The following FHIT variants were observed in gnomAD, a reference collection of about 807,000 sequenced individuals.
The protein encoded by FHIT is bis(5'-adenosyl)-triphosphatase.
Under a neutral mutation model 17.9 loss-of-function variants are expected in FHIT, and 19 were observed. The ratio of observed to expected loss-of-function variants is 1.06; its 90% CI spans 0.74 to 1.56. The LOEUF (loss-of-function observed/expected upper bound fraction) is 1.56. Ranked by LOEUF, FHIT falls within the 40% of genes most tolerant of loss-of-function variation. The pLI, the probability that FHIT is intolerant of heterozygous loss-of-function variation, is 0.00. For synonymous variants in FHIT, 81 were observed against 69.7 expected (o/e 1.16, Z -0.81); for missense variants, 248 against 189.2 (o/e 1.31, Z -1.82).
intron 5 of FHIT, among the ~76,000 whole-genome samples, chr3:60,104,778 C>T (rs975129436): frequency 2.6e-5 from 4 of 152,024 alleles, no homozygotes; most frequent in Non-Finnish European, 5.9e-5. Context: ...AACAATGCTA[C>T]CTCGCCAAAG....
At chr3:61,205,481 C>G (rs1277117849) in intron 1 of FHIT, among the ~76,000 whole-genome samples, 1 of 152,150 alleles carries the variant, frequency 6.6e-6, no homozygotes, top group Non-Finnish European at 1.5e-5. Context: ...TCTCCAGCAC[C>G]TGTTGTTTCC....
intron 2 of FHIT, among the ~76,000 whole-genome samples, chr3:61,054,700 C>T (rs2034153486): frequency 6.6e-6 from 1 of 152,160 alleles, no homozygotes; most frequent in Non-Finnish European, 1.5e-5. Flanking sequence ...GACATTTCTA[C>T]CTCTGTGCCT....
intron 5 of FHIT, among the ~76,000 whole-genome samples, chr3:60,490,375 A>C (rs1410430112): frequency 6.6e-6 from 1 of 152,154 alleles, no homozygotes; most frequent in Non-Finnish European, 1.5e-5. Flanking sequence ...TACCACAGAG[A>C]CACTATAGCT....
At chr3:60,684,280 G>A (rs542807972) in intron 4 of FHIT, among the ~76,000 whole-genome samples, 1 of 152,056 alleles carries the variant, frequency 6.6e-6, no homozygotes, top group Admixed American at 6.6e-5. Context: ...AATCCAGGAT[G>A]ATTTCCTCAT....
At chr3:60,432,929 T>A (rs1576644570) in intron 5 of FHIT, among the ~76,000 whole-genome samples, 2 of 150,210 alleles carry the variant, frequency 1.3e-5, no homozygotes, top group South Asian at 4.3e-4. Flanking sequence ...TTTTTTTTTT[T>A]ACTGTGATAA....
At chr3:60,633,681 G>A (rs538035191) in intron 4 of FHIT, among the ~76,000 whole-genome samples, 80 of 152,296 alleles carry the variant, frequency 5.3e-4, no homozygotes, top group African/African-American at 1.9e-3. Context: ...GCATTCTAGA[G>A]AGCTGTTAGG....
At chr3:59,995,876 C>T (rs913260592) in intron 7 of FHIT, among the ~76,000 whole-genome samples, 3 of 152,086 alleles carry the variant, frequency 2.0e-5, no homozygotes, top group Admixed American at 1.3e-4. Context: ...AGGGGACTGA[C>T]ACTAAACTGA....
At chr3:60,124,001 TATATATATAGAGAG>T (rs1383516156) in intron 5 of FHIT, among the ~76,000 whole-genome samples, 42 of 27,944 alleles carry the variant, frequency 1.5e-3, no homozygotes, top group African/African-American at 6.0e-3. Context: ...TATATATATA[TATATATATAGAGAG>T]AGAGAGAGAG....
chr3:60,055,532 C>A (rs1053093375), intron 5 of FHIT, among the ~76,000 whole-genome samples: 2 of 150,784 alleles, frequency 1.3e-5, no homozygotes, highest in African/African-American at 4.9e-5. Flanking sequence ...CAGTTCAGAG[C>A]TTAATTGCTT....
At chr3:60,851,864 C>T (rs1467011686) in intron 3 of FHIT, among the ~76,000 whole-genome samples, 5 of 152,044 alleles carry the variant, frequency 3.3e-5, no homozygotes, top group African/African-American at 1.2e-4. Flanking sequence ...ATATTTTATA[C>T]ATATTTTTTG....
chr3:60,476,430 T>C (rs1003706009), intron 5 of FHIT, among the ~76,000 whole-genome samples: 1 of 152,094 alleles, frequency 6.6e-6, no homozygotes, highest in African/African-American at 2.4e-5. Flanking sequence ...AAAAAGTAAC[T>C]GCTATAAGGG....
At chr3:59,965,614 C>A (rs1329317563) in intron 7 of FHIT, among the ~76,000 whole-genome samples, 1 of 152,044 alleles carries the variant, frequency 6.6e-6, no homozygotes, top group Non-Finnish European at 1.5e-5. Context: ...AGAGGTAGAC[C>A]TTGCCAGTTC....
chr3:61,095,447 C>A (rs775951696), intron 2 of FHIT, among the ~76,000 whole-genome samples: 1 of 152,170 alleles, frequency 6.6e-6, no homozygotes, highest in Non-Finnish European at 1.5e-5. Flanking sequence ...CCTTTTCAAT[C>A]TCCTTCATTC....
At chr3:59,816,297 A>C (rs1473581099) in intron 8 of FHIT, among the ~76,000 whole-genome samples, 1 of 152,234 alleles carries the variant, frequency 6.6e-6, no homozygotes, top group East Asian at 1.9e-4. Flanking sequence ...CTCAGTTATC[A>C]TCACATATGT....
At chr3:60,314,764 T>C (rs1020419007) in intron 5 of FHIT, among the ~76,000 whole-genome samples, 1 of 152,062 alleles carries the variant, frequency 6.6e-6, no homozygotes, top group Non-Finnish European at 1.5e-5. Context: ...CTGAGTAAGG[T>C]GGGGCCACTG....
intron 5 of FHIT, among the ~76,000 whole-genome samples, chr3:60,500,027 C>G (rs1044083098): frequency 6.6e-6 from 1 of 152,092 alleles, no homozygotes; most frequent in Non-Finnish European, 1.5e-5. Flanking sequence ...TATTGTATAC[C>G]TGGGGTCTGG....
intron 5 of FHIT, among the ~76,000 whole-genome samples, chr3:60,373,269 A>G (rs1430932357): frequency 6.6e-6 from 1 of 152,204 alleles, no homozygotes. Context: ...GAGGCTGGGT[A>G]AGGATAGGGT....
At chr3:59,881,532 C>T (rs1703410483) in intron 8 of FHIT, among the ~76,000 whole-genome samples, 1 of 152,070 alleles carries the variant, frequency 6.6e-6, no homozygotes, top group Non-Finnish European at 1.5e-5. Context: ...GAGGAAAATG[C>T]ACATACACAT....
chr3:60,414,136 T>A (rs1042906739), intron 5 of FHIT, among the ~76,000 whole-genome samples: 3 of 152,208 alleles, frequency 2.0e-5, no homozygotes, highest in Non-Finnish European at 4.4e-5. Flanking sequence ...ATCCAAATTC[T>A]AGGATCTAGA....
Sources: allele counts gnomAD v4.1 joint callset (sites outside exome capture counted in the v4.1 genomes callset), GRCh38; gene constraint gnomAD v4.1.1; transcripts MANE v1.5; gene names NCBI Gene and HGNC (gene_info 2026-07-23, HGNC 2026-07-21).